ZNF385D: variants seen among roughly 807,000 people sequenced by gnomAD.
ZNF385D encodes zinc finger protein 659.
Under a neutral mutation model 35.8 loss-of-function variants are expected in ZNF385D, and 15 were observed. That is an observed-to-expected ratio of 0.42 (90% CI 0.28 to 0.64). The LOEUF is 0.64. ZNF385D is among the 30% of genes least tolerant of loss of function. The pLI is 0.23. For missense variants in ZNF385D, 474 were observed against 494.6 expected (o/e 0.96, Z 0.39); for synonymous variants, 212 against 186.8 (o/e 1.13, Z -1.10).
At chr3:21,565,449 G>A (rs2063109743) in intron 2 of ZNF385D, among the ~76,000 whole-genome samples, 1 of 152,122 alleles carries the variant, frequency 6.6e-6, no homozygotes, top group African/African-American at 2.4e-5. Context: ...TGAGATCATA[G>A]CTCACTGTAG....
intron 5 of ZNF385D, chr3:21,430,942 T>C (rs1444171506): frequency 6.6e-6 from 1 of 152,176 alleles, no homozygotes; most frequent in Non-Finnish European, 1.5e-5. Context: ...TGTAAACTAG[T>C]TTTATTTTTT....
intron 3 of ZNF385D, among the ~76,000 whole-genome samples, chr3:21,929,703 C>T (rs1429364866): frequency 2.0e-5 from 3 of 151,906 alleles, no homozygotes; most frequent in East Asian, 1.9e-4. Context: ...ATTCCAGTCA[C>T]AGCAGCATCA....
intron 3 of ZNF385D, among the ~76,000 whole-genome samples, chr3:21,805,331 G>A (rs1024734907): frequency 1.3e-5 from 2 of 152,184 alleles, no homozygotes; most frequent in East Asian, 1.9e-4. Context: ...GAAATAGGTT[G>A]TAAATCTGGG....
chr3:21,850,488 A>T (rs1327258195), intron 3 of ZNF385D, among the ~76,000 whole-genome samples: 2 of 152,128 alleles, frequency 1.3e-5, no homozygotes, highest in Admixed American at 6.6e-5. Flanking sequence ...GTGAGGCAAA[A>T]GATACAAAAG....
intron 2 of ZNF385D, among the ~76,000 whole-genome samples, chr3:22,293,413 C>T (rs904125863): frequency 1.6e-4 from 25 of 152,184 alleles, no homozygotes; most frequent in African/African-American, 6.0e-4. Context: ...TTAGAAACTT[C>T]AGGCATTCTC....
At chr3:22,108,323 T>A (rs754592611) in intron 3 of ZNF385D, among the ~76,000 whole-genome samples, 9 of 152,180 alleles carry the variant, frequency 5.9e-5, no homozygotes, top group Non-Finnish European at 1.3e-4. Flanking sequence ...TTGGAAGATG[T>A]GTTTATTAAC....
intron 2 of ZNF385D, among the ~76,000 whole-genome samples, chr3:22,247,816 G>A (rs992223681): frequency 1.3e-5 from 2 of 151,898 alleles, no homozygotes. Flanking sequence ...TGTTGGCCAG[G>A]ATGGTGTTCA....
At chr3:22,276,758 T>C (rs1575015785) in intron 2 of ZNF385D, among the ~76,000 whole-genome samples, 1 of 152,260 alleles carries the variant, frequency 6.6e-6, no homozygotes, top group East Asian at 1.9e-4. Flanking sequence ...TTGCTGCTTA[T>C]GGATGGGACT....
At chr3:21,862,729 A>C (rs547695529) in intron 3 of ZNF385D, among the ~76,000 whole-genome samples, 19 of 152,296 alleles carry the variant, frequency 1.2e-4, no homozygotes, top group African/African-American at 4.6e-4. Flanking sequence ...GTGCCTCCCC[A>C]AGGGCTCCTT....
chr3:22,267,451 T>C (rs551098561), intron 2 of ZNF385D, among the ~76,000 whole-genome samples: 16 of 151,992 alleles, frequency 1.1e-4, no homozygotes, highest in African/African-American at 3.9e-4. Flanking sequence ...AACTTGCATG[T>C]ATCAGCAATT....
intron 2 of ZNF385D, among the ~76,000 whole-genome samples, chr3:22,345,890 G>A (rs79343483): frequency 6.6e-6 from 1 of 152,162 alleles, no homozygotes; most frequent in Non-Finnish European, 1.5e-5. Flanking sequence ...CCAAGTCAGG[G>A]CATCTCTGAG....
At chr3:22,238,983 G>T (rs1011875193) in intron 2 of ZNF385D, among the ~76,000 whole-genome samples, 2 of 150,526 alleles carry the variant, frequency 1.3e-5, no homozygotes, top group Non-Finnish European at 2.9e-5. Context: ...TGTCTCGGCG[G>T]CCTTAAGTGA....
At chr3:21,885,811 T>C (rs1698517636) in intron 3 of ZNF385D, among the ~76,000 whole-genome samples, 1 of 150,796 alleles carries the variant, frequency 6.6e-6, no homozygotes, top group African/African-American at 2.4e-5. Context: ...TTTAAAGAAA[T>C]TGGCTCACAC....
intron 2 of ZNF385D, among the ~76,000 whole-genome samples, chr3:22,371,153 G>C (rs1200249675): frequency 6.6e-6 from 1 of 152,150 alleles, no homozygotes; most frequent in East Asian, 1.9e-4. Flanking sequence ...CATGCTTAGA[G>C]ACCAGAGTAG....
intron 2 of ZNF385D, among the ~76,000 whole-genome samples, chr3:21,638,975 T>G (rs945552995): frequency 7.2e-5 from 11 of 152,062 alleles, no homozygotes; most frequent in Admixed American, 2.0e-4. Context: ...TAAAAAGCAG[T>G]TTTTAAAATT....
At chr3:21,978,817 T>C (rs1037091707) in intron 3 of ZNF385D, among the ~76,000 whole-genome samples, 1 of 152,172 alleles carries the variant, frequency 6.6e-6, no homozygotes, top group African/African-American at 2.4e-5. Context: ...CTCAGCATTA[T>C]GACAAATGTT....
At chr3:21,551,149 T>A (rs1425255035) in intron 3 of ZNF385D, among the ~76,000 whole-genome samples, 1 of 152,220 alleles carries the variant, frequency 6.6e-6, no homozygotes, top group Non-Finnish European at 1.5e-5. Context: ...TTCCAGTTAG[T>A]TCCATGAGGT....
chr3:21,889,191 A>G (rs1373589339), intron 3 of ZNF385D, among the ~76,000 whole-genome samples: 4 of 152,208 alleles, frequency 2.6e-5, no homozygotes, highest in Non-Finnish European at 5.9e-5. Context: ...TACCTGAAGC[A>G]GCTTTAGTCC....
chr3:21,709,838 T>G (rs1250735027), intron 1 of ZNF385D, among the ~76,000 whole-genome samples: 1 of 152,210 alleles, frequency 6.6e-6, no homozygotes, highest in African/African-American at 2.4e-5. Context: ...ACGAAAAACC[T>G]ATTTGAAGAT....
Sources: gnomAD v4.1 joint callset for allele counts (sites outside exome capture counted in the v4.1 genomes callset) on GRCh38, gnomAD v4.1.1 for gene constraint, MANE v1.5 for transcripts, NCBI Gene and HGNC (gene_info 2026-07-23, HGNC 2026-07-21) for gene names.